Variants in ATF3 observed in about 807,000 individuals in gnomAD.
ATF3 encodes activating transcription factor 3.
In ATF3, 10 loss-of-function variants were observed where a neutral mutation model predicts 18.4. The observed-to-expected ratio is 0.54, with a 90% CI of 0.34 to 0.92. The LOEUF (loss-of-function observed/expected upper bound fraction) is 0.92. Ranked by LOEUF, ATF3 falls within the 40% of genes least tolerant of loss-of-function variation. ATF3 has a pLI of 0.02. For missense variants in ATF3, 183 were observed against 222.3 expected (o/e 0.82, Z 1.12); for synonymous variants, 78 against 87.9 (o/e 0.89, Z 0.63).
intron 1 of ATF3, among the ~76,000 whole-genome samples, chr1:212,612,875 A>T (rs1276913730): frequency 6.6e-6 from 1 of 152,220 alleles, no homozygotes; most frequent in Admixed American, 6.5e-5. Context: ...TCAGAGAGCC[A>T]GCCCTGGGCT....
chr1:212,567,659 AT>A (rs1169992280), intron 1 of ATF3, among the ~76,000 whole-genome samples: 1 of 152,222 alleles, frequency 6.6e-6, no homozygotes. Context: ...ATTTTTTATA[AT>A]GCTACCGGTG....
intron 1 of ATF3, among the ~76,000 whole-genome samples, chr1:212,612,785 T>C (rs1191721350): frequency 6.6e-6 from 1 of 152,116 alleles, no homozygotes; most frequent in Non-Finnish European, 1.5e-5. Context: ...GAGTTTGAAG[T>C]CAGGGTATTC....
intron 1 of ATF3, among the ~76,000 whole-genome samples, chr1:212,579,006 CTTTTTTTTTT>C (rs10565752): frequency 1.2e-5 from 1 of 84,540 alleles, no homozygotes; most frequent in Non-Finnish European, 2.3e-5. Context: ...TCTCTGGAGA[CTTTTTTTTTT>C]TTTTTTTTTT....
chr1:212,616,452 C>T (rs1261542932), intron 2 of ATF3, among the ~76,000 whole-genome samples: 14 of 152,164 alleles, frequency 9.2e-5, no homozygotes, highest in Middle Eastern at 3.4e-3. Flanking sequence ...GCCCGCCACA[C>T]GTCTGGCTAA....
At chr1:212,578,723 G>A (rs1664626718) in intron 1 of ATF3, among the ~76,000 whole-genome samples, 1 of 152,138 alleles carries the variant, frequency 6.6e-6, no homozygotes, top group African/African-American at 2.4e-5. Flanking sequence ...CATTTCAGGG[G>A]AAAGTGATGT....
intron 1 of ATF3, among the ~76,000 whole-genome samples, chr1:212,581,515 A>G (rs902904515): frequency 6.6e-6 from 1 of 152,222 alleles, no homozygotes; most frequent in Non-Finnish European, 1.5e-5. Flanking sequence ...TGTCAATGGA[A>G]GAATGTTTTA....
At chr1:212,574,794 C>T (rs1664544493) in intron 1 of ATF3, among the ~76,000 whole-genome samples, 1 of 152,096 alleles carries the variant, frequency 6.6e-6, no homozygotes, top group Non-Finnish European at 1.5e-5. Flanking sequence ...CAGTCATGTA[C>T]AGAGCTTCCT....
intron 1 of ATF3, among the ~76,000 whole-genome samples, chr1:212,571,430 G>A (rs1427686388): frequency 1.3e-5 from 2 of 151,918 alleles, no homozygotes; most frequent in Non-Finnish European, 2.9e-5. Flanking sequence ...TTTTTGAGAT[G>A]GGAGTCTCAC....
chr1:212,604,472 C>T (rs1454267417), upstream of ATF3, among the ~76,000 whole-genome samples: 2 of 152,202 alleles, frequency 1.3e-5, no homozygotes, highest in Non-Finnish European at 1.5e-5. Context: ...TGTTCTGCCA[C>T]ATCCCTCTCT....
chr1:212,602,351 G>A (rs1174582302), intron 1 of ATF3, among the ~76,000 whole-genome samples: 1 of 152,172 alleles, frequency 6.6e-6, no homozygotes, highest in African/African-American at 2.4e-5. Flanking sequence ...CAAAAAAGGG[G>A]TTCACGAGTC....
chr1:212,610,100 A>C (rs1654832923), intron 1 of ATF3, among the ~76,000 whole-genome samples: 1 of 152,108 alleles, frequency 6.6e-6, no homozygotes, highest in Non-Finnish European at 1.5e-5. Flanking sequence ...CTTTTCCCTC[A>C]CCAGCTTTCT....
intron 1 of ATF3, among the ~76,000 whole-genome samples, chr1:212,600,390 T>C (rs1298586523): frequency 6.6e-6 from 1 of 152,232 alleles, no homozygotes; most frequent in Non-Finnish European, 1.5e-5. Context: ...CTTCCACAAA[T>C]ACTCCTGCTC....
intron 1 of ATF3, among the ~76,000 whole-genome samples, chr1:212,579,480 A>G (rs967340586): frequency 6.6e-6 from 1 of 152,252 alleles, no homozygotes; most frequent in African/African-American, 2.4e-5. Context: ...GAGTGAATGA[A>G]TGATGGCTAA....
At chr1:212,573,546 A>G (rs1267158223) in intron 1 of ATF3, among the ~76,000 whole-genome samples, 1 of 151,448 alleles carries the variant, frequency 6.6e-6, no homozygotes, top group Non-Finnish European at 1.5e-5. Context: ...TCTTTTTTTG[A>G]GCTGTCTTTT....
At chr1:212,566,011 G>A (rs113062433) in intron 1 of ATF3, among the ~76,000 whole-genome samples, 6 of 152,260 alleles carry the variant, frequency 3.9e-5, no homozygotes, top group African/African-American at 1.4e-4. Flanking sequence ...AGTGTAACAT[G>A]GATAGGTTAA....
At chr1:212,589,029 T>C (rs1664832379) in intron 1 of ATF3, among the ~76,000 whole-genome samples, 1 of 152,238 alleles carries the variant, frequency 6.6e-6, no homozygotes, top group Admixed American at 6.5e-5. Flanking sequence ...ATCTAAAATA[T>C]AGCATCGCTT....
intron 1 of ATF3, among the ~76,000 whole-genome samples, chr1:212,590,755 G>A (rs1664869389): frequency 6.6e-6 from 1 of 152,202 alleles, no homozygotes; most frequent in Non-Finnish European, 1.5e-5. Flanking sequence ...GCACCACTTT[G>A]AATGGTAATA....
upstream of ATF3, among the ~76,000 whole-genome samples, chr1:212,605,557 G>C (rs1452126992): frequency 6.6e-6 from 1 of 152,234 alleles, no homozygotes; most frequent in African/African-American, 2.4e-5. Context: ...AGAGTAATGG[G>C]GCAGAGGAAT....
intron 1 of ATF3, among the ~76,000 whole-genome samples, chr1:212,601,052 G>A (rs1269661773): frequency 1.3e-5 from 2 of 152,146 alleles, no homozygotes; most frequent in African/African-American, 4.8e-5. Flanking sequence ...TCCGGTAATA[G>A]GACACAATTT....
Sources: gnomAD v4.1 joint callset for allele counts (sites outside exome capture counted in the v4.1 genomes callset) on GRCh38, gnomAD v4.1.1 for gene constraint, MANE v1.5 for transcripts, NCBI Gene and HGNC (gene_info 2026-07-23, HGNC 2026-07-21) for gene names.